The following CACNA2D4 variants were observed in gnomAD, a reference collection of about 807,000 sequenced individuals.
CACNA2D4 encodes voltage-dependent calcium channel subunit alpha-2/delta-4.
A neutral mutation model predicts 163.8 loss-of-function variants in CACNA2D4; 157 were observed. That is an observed-to-expected ratio of 0.96 (90% CI 0.84 to 1.09). The LOEUF (loss-of-function observed/expected upper bound fraction) is 1.09, where lower values mean the gene tolerates loss of function less well. Ranked by LOEUF, CACNA2D4 falls within the 50% of genes least tolerant of loss-of-function variation. CACNA2D4 has a pLI of 0.00. For missense variants in CACNA2D4, 1,410 were observed against 1,479.9 expected (o/e 0.95, Z 0.78); for synonymous variants, 598 against 586.9 (o/e 1.02, Z -0.27).
At chr12:1,853,366 A>C (rs1436321976) in intron 23 of CACNA2D4, among the ~76,000 whole-genome samples, 1 of 152,102 alleles carries the variant, frequency 6.6e-6, no homozygotes, top group Non-Finnish European at 1.5e-5. Flanking sequence ...CTAATTTTTA[A>C]TTTTCTAGTA....
At chr12:1,895,189 C>T (rs1292413240) in intron 6 of CACNA2D4, among the ~76,000 whole-genome samples, 2 of 151,914 alleles carry the variant, frequency 1.3e-5, no homozygotes, top group Non-Finnish European at 2.9e-5. Flanking sequence ...GGTGAAGGAC[C>T]TGCATAAGGA....
intron 26 of CACNA2D4, chr12:1,811,929 C>T (rs1291225374): frequency 1.2e-5 from 7 of 582,316 alleles, no homozygotes; most frequent in Admixed American, 3.2e-5. Context: ...CAGCCTCTCT[C>T]GTTCCCACTG....
chr12:1,882,336 A>G (rs1352335781), intron 13 of CACNA2D4, among the ~76,000 whole-genome samples: 4 of 152,136 alleles, frequency 2.6e-5, no homozygotes, highest in African/African-American at 9.7e-5. Context: ...GTGGCTGCCT[A>G]TGTGATGGGG....
chr12:1,803,499 A>G (rs1863408803), intron 29 of CACNA2D4, among the ~76,000 whole-genome samples: 1 of 152,246 alleles, frequency 6.6e-6, no homozygotes, highest in African/African-American at 2.4e-5. Context: ...AACAAAACAT[A>G]GTCCTTACAT....
Position 1,852,746 on chromosome 12 carries a change from C to T in CACNA2D4, c.2246+1205G>A, listed in dbSNP as rs115868828. 2.9e-3 allele frequency among the ~76,000 whole-genome samples: 439 copies of T among 152,294 alleles called. 6 individuals carry two copies. The highest frequency in any genetic ancestry group is 1.0e-2 in the African/African-American group (415 of 41,550). On this transcript the variant is annotated intron_variant, in intron 23 of 37. Coordinates refer to ENST00000382722, the MANE Select transcript of CACNA2D4 (RefSeq NM_172364.5). ...ATGAAGATGGTGCCCCTCTCCAAAC[C>T]TATTTGCTCCAGCCCTCTGTAGAAG...
At chr12:1,895,663 T>C (rs1866385842) in intron 6 of CACNA2D4, among the ~76,000 whole-genome samples, 2 of 152,166 alleles carry the variant, frequency 1.3e-5, no homozygotes, top group Admixed American at 6.6e-5. Flanking sequence ...AGGTAGGGTC[T>C]TGCTCTGCCA....
intron 6 of CACNA2D4, among the ~76,000 whole-genome samples, chr12:1,892,906 T>C (rs1466307763): frequency 6.6e-6 from 1 of 152,170 alleles, no homozygotes; most frequent in Non-Finnish European, 1.5e-5. Context: ...AGGAGGTCAT[T>C]ATATAATGAC....
At chr12:1,882,833 G>A in intron 13 of CACNA2D4, 34 bp downstream of exon 13, 1 of 1,611,582 alleles carries the variant, frequency 6.2e-7, no homozygotes, top group Non-Finnish European at 8.5e-7. Flanking sequence ...CTCTGAGGTG[G>A]GCTTCTCGAG....
Position 1,847,033 on chromosome 12 carries a change from T to C in CACNA2D4, c.2247-344A>G, listed in dbSNP as rs111462762. Among the ~76,000 whole-genome samples, 348 of 152,316 alleles carry C rather than the reference T, an allele frequency of 2.3e-3. 2 individuals carry two copies. Among genetic ancestry groups the C allele is most frequent in the African/African-American group, 8.1e-3 (335 of 41,568 alleles). The stretch of plus-strand genomic sequence containing the variant: ...GGAAGGGAGATTCTGTCCTGGGACC[T>C]AAGGAACAGGAACTTCTCATGCCCA... On this transcript the variant is annotated intron_variant, in intron 23 of 37. Coordinates refer to ENST00000382722, the MANE Select transcript of CACNA2D4 (RefSeq NM_172364.5).
intron 26 of CACNA2D4, among the ~76,000 whole-genome samples, chr12:1,839,285 C>T (rs1008387733): frequency 2.0e-4 from 30 of 152,350 alleles, no homozygotes; most frequent in East Asian, 1.3e-3. Flanking sequence ...CCTGTTGGAT[C>T]GCGCAACTTT....
Position 1,792,307 on chromosome 12 carries a change from C to T in CACNA2D4, c.*1348G>A, listed in dbSNP as rs902349331. On this transcript the variant is annotated 3_prime_UTR_variant, in exon 38 of 38. Transcript: ENST00000382722. The stretch of plus-strand genomic sequence containing the variant: ...TTGCAAGACATGACGGTAAGAGTGA[C>T]ATTCTGTAACCGATAATGTAAGTGT... The T allele has an allele frequency of 7.2e-5, 11 of 152,346 alleles. No homozygotes were observed. Among genetic ancestry groups the T allele is most frequent in the African/African-American group, 2.4e-4 (10 of 41,572 alleles). 9.4% of individuals were successfully genotyped at this position (152,346 alleles called of 1,614,324 possible). A position where few individuals can be genotyped will look rare whatever the true frequency, so the allele number is the denominator to read the frequency against.
At chr12:1,801,771 C>T (rs1400222923) in intron 29 of CACNA2D4, 127 bp from the exon 30 acceptor site, 1 of 617,342 alleles carries the variant, frequency 1.6e-6, no homozygotes, top group Non-Finnish European at 2.8e-6. Context: ...TTCCCTCTGA[C>T]TGCCTCTCAG....
At chr12:1,812,156 C>T (rs561816421) in intron 26 of CACNA2D4, among the ~76,000 whole-genome samples, 2 of 152,334 alleles carry the variant, frequency 1.3e-5, no homozygotes, top group African/African-American at 4.8e-5. Flanking sequence ...GGGCCGTTGC[C>T]CTAGCAACTC....
In CACNA2D4 at chr12:1,918,434, G is replaced by A; in HGVS notation, c.40C>T (p.Pro14Ser). Residue 14 changes from proline to serine, a missense_variant, in exon 1 of 38, where the codon CCC (proline) becomes TCC (serine). By Grantham distance (74) the Pro-to-Ser change is moderately conservative. Transcript: ENST00000382722. ...GGAGTTGCAGGCATGGTGGGCCTGGGGTTGGGGAGGGGAAGGAGGGCAGAG... is the reference window on the plus strand; with the variant it reads ...GGAGTTGCAGGCATGGTGGGCCTGGAGTTGGGGAGGGGAAGGAGGGCAGAG... ...GCSALLPLPN[P>S]RPTMPATPNF... is the part of the protein sequence containing the mutation. 6.3e-7 allele frequency: 1 copy of A among 1,586,768 alleles called. No homozygotes were observed. Among genetic ancestry groups the A allele is most frequent in the Non-Finnish European group, 8.6e-7 (1 of 1,166,996 alleles).
rs1864724190 is a variant in CACNA2D4 at position 1,833,572 on chromosome 12, G to C, written c.2551+7167C>G. 6.6e-6 allele frequency among the ~76,000 whole-genome samples: 1 copy of C among 152,166 alleles called. No individual in the cohort carries two copies. The highest frequency in any genetic ancestry group is 1.5e-5 in the Non-Finnish European group (1 of 68,034). ...GTGTGCCTCCAGGATTCCCCCTCCA[G>C]ATGCCTTTGTACTTACAGGGCTGTG... is the stretch of plus-strand genomic sequence containing the variant. On this transcript the variant is annotated intron_variant, in intron 26 of 37. Transcript: ENST00000382722. The surrounding 1 kb of genome is among the most constrained non-coding windows in gnomAD (Gnocchi z 4.2).
At chr12:1,846,383 G>A (rs1277640802) in intron 24 of CACNA2D4, among the ~76,000 whole-genome samples, 4 of 150,828 alleles carry the variant, frequency 2.7e-5, no homozygotes, top group African/African-American at 9.9e-5. Flanking sequence ...GTCCCAATCT[G>A]TCAATCCCGA....
chr12:1,795,164 GT>G, intron 37 of CACNA2D4, 134 bp downstream of exon 37: 5 of 694,486 alleles, frequency 7.2e-6, no homozygotes, highest in Non-Finnish European at 1.2e-5. Flanking sequence ...AAACGCGAAT[GT>G]TTCCCCCGAG....
rs1268003443 is a variant in CACNA2D4, at chr12:1,871,185, G to A, written c.1878+3419C>T. Among the ~76,000 whole-genome samples the A allele has an allele frequency of 3.8e-4, 48 of 127,466 alleles. 1 individual carries two copies. Among genetic ancestry groups the A allele is most frequent in the Admixed American group, 3.3e-3 (46 of 13,984 alleles). 83.6% of individuals were successfully genotyped at this position (127,466 alleles called of 152,430 possible). Reference sequence around the variant, plus strand: ...GCTGCTGGTGTGTGCCTGTGTACACGTGTTGCTGGTGTGTGTACATGTGTG... The same window carrying A: ...GCTGCTGGTGTGTGCCTGTGTACACATGTTGCTGGTGTGTGTACATGTGTG... On this transcript the variant is annotated intron_variant, in intron 18 of 37. Transcript: ENST00000382722.
chr12:1,894,885 A>G (rs569167309), intron 6 of CACNA2D4, among the ~76,000 whole-genome samples: 114 of 152,326 alleles, frequency 7.5e-4, no homozygotes, highest in Non-Finnish European at 1.3e-3. Flanking sequence ...AGTCCTTGCC[A>G]GAGCAATCAG....
Sources: allele counts gnomAD v4.1 joint callset (sites outside exome capture counted in the v4.1 genomes callset), GRCh38; gene constraint gnomAD v4.1.1; non-coding constraint Gnocchi (gnomAD v3.1); transcripts MANE v1.5; gene names NCBI Gene and HGNC (gene_info 2026-07-23, HGNC 2026-07-21).